The following SLIT3 variants were observed in gnomAD, a reference collection of about 807,000 sequenced individuals.
SLIT3 encodes the protein slit homolog 3 protein.
A neutral mutation model predicts 184.0 loss-of-function variants in SLIT3; 68 were observed. The ratio of observed to expected loss-of-function variants is 0.37; its 90% CI spans 0.30 to 0.45. The LOEUF is 0.45. SLIT3 is among the 20% of genes least tolerant of loss of function. SLIT3 has a pLI of 1.00. For synonymous variants in SLIT3, 831 were observed against 828.6 expected (o/e 1.00, Z -0.05); for missense variants, 1,707 against 2,026.0 (o/e 0.84, Z 3.02).
At chr5:168,919,275 A>AG (rs1562006311) in intron 4 of SLIT3, among the ~76,000 whole-genome samples, 1 of 151,514 alleles carries the variant, frequency 6.6e-6, no homozygotes, top group Non-Finnish European at 1.5e-5. Context: ...AAAAAAAAAA[A>AG]GAAACATAGG....
intron 6 of SLIT3, among the ~76,000 whole-genome samples, chr5:168,829,494 T>C (rs145497037): frequency 7.2e-5 from 11 of 152,354 alleles, no homozygotes; most frequent in Non-Finnish European, 1.2e-4. Flanking sequence ...TCAAGGCAGA[T>C]AGACTTCTCC....
rs889612222 is a variant in SLIT3 at position 169,300,084 on chromosome 5, C to G, written c.197+429G>C. 6.6e-6 allele frequency among the ~76,000 whole-genome samples: 1 copy of G among 152,238 alleles called. No homozygotes were observed. The highest frequency in any genetic ancestry group is 2.4e-5 in the African/African-American group (1 of 41,460). On this transcript the variant is annotated intron_variant, in intron 1 of 35. Coordinates refer to ENST00000519560, the MANE Select transcript of SLIT3 (RefSeq NM_003062.4). This position sits in a 1 kb window ranked among gnomAD's most constrained non-coding sequence, Gnocchi z 4.1. ...TGATCTCCAAGCAGGTCAACAGTCT[C>G]GGGCCCTCTCTCCCGCCTCCGCGCC...
intron 4 of SLIT3, among the ~76,000 whole-genome samples, chr5:168,986,478 G>A (rs78818393): frequency 0.023 from 3,564 of 152,246 alleles, 58 homozygotes; most frequent in Non-Finnish European, 0.035. Context: ...GCAGGGAGAG[G>A]CTTCAACATA....
chr5:168,742,951 A>C (rs937127524), intron 20 of SLIT3, among the ~76,000 whole-genome samples: 4 of 151,874 alleles, frequency 2.6e-5, no homozygotes, highest in African/African-American at 9.7e-5. Context: ...ACAGGGTGAA[A>C]CACCATCTCT....
intron 4 of SLIT3, among the ~76,000 whole-genome samples, chr5:169,108,277 G>C (rs1186326631): frequency 6.6e-6 from 1 of 152,234 alleles, no homozygotes; most frequent in African/African-American, 2.4e-5. Context: ...CAAGCAACCT[G>C]GGTTCAAGTC....
chr5:169,042,997 T>C (rs1202281586), intron 4 of SLIT3, among the ~76,000 whole-genome samples: 5 of 152,206 alleles, frequency 3.3e-5, no homozygotes, highest in Non-Finnish European at 7.4e-5. Flanking sequence ...AATACATCCA[T>C]TATTTATAGA....
intron 3 of SLIT3, among the ~76,000 whole-genome samples, chr5:169,207,970 C>T (rs1308155300): frequency 6.6e-6 from 1 of 152,132 alleles, no homozygotes; most frequent in Non-Finnish European, 1.5e-5. Flanking sequence ...TTATAAGCCA[C>T]CCAGAGTATG....
chr5:168,777,118 C>T lies in SLIT3; in HGVS notation c.1152-2740G>A, dbSNP rs368002030. On this transcript the variant is annotated intron_variant, in intron 12 of 35. Transcript: ENST00000519560. Reference sequence around the variant, plus strand: ...ACACACACACACACCCCCCATACCACACCACACCACATCAAATTTCTATTT... The same window carrying T: ...ACACACACACACACCCCCCATACCATACCACACCACATCAAATTTCTATTT... 1.4e-3 allele frequency among the ~76,000 whole-genome samples: 216 copies of T among 150,972 alleles called. 1 individual carries two copies. Among genetic ancestry groups the T allele is most frequent in the Non-Finnish European group, 2.6e-3 (175 of 67,812 alleles).
intron 1 of SLIT3, among the ~76,000 whole-genome samples, chr5:169,284,360 T>C (rs1767089583): frequency 6.6e-6 from 1 of 152,204 alleles, no homozygotes; most frequent in African/African-American, 2.4e-5. Context: ...CATGAGGGTA[T>C]CTTCCCAGAT....
chr5:168,861,618 C>G (rs1373798555), intron 5 of SLIT3, among the ~76,000 whole-genome samples: 1 of 152,128 alleles, frequency 6.6e-6, no homozygotes, highest in Admixed American at 6.5e-5. Flanking sequence ...GACTGTCTAC[C>G]AAGAAGACTC....
chr5:168,979,653 C>T (rs533655494), intron 4 of SLIT3, among the ~76,000 whole-genome samples: 1 of 152,136 alleles, frequency 6.6e-6, no homozygotes, highest in Non-Finnish European at 1.5e-5. Context: ...GTGTGTTTAA[C>T]AGAAGGGGGC....
chr5:169,161,372 T>C (rs925484071), intron 4 of SLIT3, among the ~76,000 whole-genome samples: 8 of 152,188 alleles, frequency 5.3e-5, no homozygotes, highest in Non-Finnish European at 8.8e-5. Context: ...TGTCCATCAC[T>C]GCCCCTTCCT....
At chr5:168,962,933 C>A (rs11749816) in intron 4 of SLIT3, among the ~76,000 whole-genome samples, 32,756 of 152,162 alleles carry the variant, frequency 0.22, 3,639 homozygotes, top group Admixed American at 0.31. Flanking sequence ...GCCGTTCCTT[C>A]CCCATCACTC....
chr5:168,964,323 T>G (rs538427681), intron 4 of SLIT3, among the ~76,000 whole-genome samples: 28 of 152,352 alleles, frequency 1.8e-4, no homozygotes, highest in African/African-American at 6.3e-4. Context: ...TGGATTTATG[T>G]GAGGGAGAGT....
At chr5:169,227,343 G>A (rs560093374) in intron 3 of SLIT3, among the ~76,000 whole-genome samples, 7 of 152,354 alleles carry the variant, frequency 4.6e-5, no homozygotes, top group African/African-American at 1.7e-4. Context: ...CAGGCACTTT[G>A]CTAGACACCT....
At chr5:169,295,094 C>A (rs781052585) in intron 1 of SLIT3, among the ~76,000 whole-genome samples, 1 of 152,172 alleles carries the variant, frequency 6.6e-6, no homozygotes, top group Non-Finnish European at 1.5e-5. Context: ...CAACACTATA[C>A]CCTTAGGCTG....
chr5:169,000,883 A>C (rs968305584), intron 4 of SLIT3, among the ~76,000 whole-genome samples: 9 of 152,136 alleles, frequency 5.9e-5, no homozygotes, highest in Non-Finnish European at 1.5e-5. Context: ...TGGGGTTTTC[A>C]GTTCTAAAAT....
At chr5:168,861,749 A>C (rs1366475298) in intron 5 of SLIT3, among the ~76,000 whole-genome samples, 2 of 152,188 alleles carry the variant, frequency 1.3e-5, no homozygotes, top group Non-Finnish European at 2.9e-5. Context: ...GAAAGGTGTA[A>C]ATGCTGTGAA....
chr5:168,883,458 G>A (rs564834377), intron 4 of SLIT3, 122 bp from the exon 5 acceptor site: 166 of 713,112 alleles, frequency 2.3e-4, no homozygotes, highest in African/African-American at 2.3e-3. Flanking sequence ...GTGTATGGCG[G>A]CTGTTTGGTC....
Sources: gnomAD v4.1 joint callset for allele counts (sites outside exome capture counted in the v4.1 genomes callset) on GRCh38, gnomAD v4.1.1 for gene constraint, Gnocchi (gnomAD v3.1) non-coding constraint, MANE v1.5 for transcripts, NCBI Gene and HGNC (gene_info 2026-07-23, HGNC 2026-07-21) for gene names.